Variants in ANKLE2 observed in about 807,000 individuals in gnomAD.
The protein encoded by ANKLE2 is ankyrin repeat and LEM domain containing 2.
Under a neutral mutation model 84.2 loss-of-function variants are expected in ANKLE2, and 55 were observed. The ratio of observed to expected loss-of-function variants is 0.65; its 90% CI spans 0.53 to 0.82. ANKLE2 has a LOEUF of 0.82. Ranked by LOEUF, ANKLE2 falls within the 40% of genes least tolerant of loss-of-function variation. The pLI is 0.00. For synonymous variants in ANKLE2, 551 were observed against 486.1 expected (o/e 1.13, Z -1.76); for missense variants, 1,238 against 1,201.9 (o/e 1.03, Z -0.44).
Position 132,759,205 on chromosome 12 carries a change from T to TGC in ANKLE2, c.181+2411_181+2412dup, listed in dbSNP as rs1566042109. 2.4e-3 allele frequency: 29 copies of TGC among 12,150 alleles called. 3 individuals are homozygous for TGC. Among genetic ancestry groups the TGC allele is most frequent in the East Asian group, 9.0e-3 (3 of 334 alleles). 0.8% of individuals were successfully genotyped at this position (12,150 alleles called of 1,614,324 possible). The stretch of plus-strand genomic sequence containing the variant: ...GGCACCCACGTGGCAGAGTGGATCA[T>TGC]GCAGAGTGGCACCCCGGGGCACCCA... On this transcript the variant is annotated intron_variant, in intron 1 of 12. Coordinates refer to ENST00000357997, the MANE Select transcript of ANKLE2 (RefSeq NM_015114.3).
intron 1 of ANKLE2, chr12:132,758,669 A>G (rs547004202): frequency 2.0e-5 from 3 of 152,194 alleles, no homozygotes; most frequent in Admixed American, 1.3e-4. Context: ...GATTACAGGT[A>G]CCTGCCACCA....
In ANKLE2 at chr12:132,728,073, C is replaced by T; in HGVS notation, c.2574G>A (p.Trp858Ter). The T allele has an allele frequency of 6.2e-7, 1 of 1,612,850 alleles. No individual in the cohort carries two copies. Among genetic ancestry groups the T allele is most frequent in the Non-Finnish European group, 8.5e-7 (1 of 1,179,928 alleles). The change falls in exon 12 of 13, where the codon TGG becomes TGA. Residue 858 changes from tryptophan to a stop codon, truncating the protein, a stop_gained. Transcript: ENST00000357997. LOFTEE classifies it low-confidence loss of function (END_TRUNC). ...GTGAGTAGCACAGGACAGCACTCTT[C>T]CATCTGTGCACGGCCGGGAACTGAT... is the stretch of plus-strand genomic sequence containing the variant. ...DPHQFPAVHR[W>*]KSAVLCYSPS...
In ANKLE2 at chr12:132,727,265, G is replaced by A; in HGVS notation, c.2794C>T (p.Leu932=). The A allele has an allele frequency of 6.4e-7, 1 of 1,561,680 alleles. No individual in the cohort carries two copies. The highest frequency in any genetic ancestry group is 8.7e-7 in the Non-Finnish European group (1 of 1,152,692). Reference sequence around the variant, plus strand: ...GCCTACAGGGCGGCAAGCTCAGCCAGGCGCGCCATCCTGCGGAGCTGGCTC... The same window carrying A: ...GCCTACAGGGCGGCAAGCTCAGCCAAGCGCGCCATCCTGCGGAGCTGGCTC... ...HGSQLRRMAR[L]AELAAL is the part of the protein sequence containing the mutation. The change falls in exon 13 of 13, where the codon CTG becomes TTG. Residue 932 remains leucine (L), a synonymous_variant. Coordinates refer to ENST00000357997, the MANE Select transcript of ANKLE2 (RefSeq NM_015114.3).
Position 132,729,921 on chromosome 12 carries a change from G to T in ANKLE2, c.2241C>A (p.Ser747Arg). The T allele has an allele frequency of 6.2e-7, 1 of 1,613,598 alleles. No homozygotes were observed. Among genetic ancestry groups the T allele is most frequent in the Non-Finnish European group, 8.5e-7 (1 of 1,179,910 alleles). Residue 747 changes from serine (S) to arginine (R), a missense_variant, in exon 11 of 13, where the codon AGC becomes AGA. This residue lies in a region of ANKLE2 where 802 missense variants were observed against 774.5 expected (regional missense o/e 1.04). Transcript: ENST00000357997. ...TACTTTCATCTGGTGTCTTGGAAAC[G>T]CTACGTCCTATATTTTGCAAATTCA... ...DKLNLQNIGR[S>R]VSKTPDESTK...
chr12:132,750,358 A>G (rs1177283421), intron 3 of ANKLE2, among the ~76,000 whole-genome samples: 5 of 151,950 alleles, frequency 3.3e-5, no homozygotes, highest in Admixed American at 2.6e-4. Context: ...ACTGCACTCC[A>G]GGCTGGCAAA....
chr12:132,732,700 GAT>G (rs2043900609), intron 10 of ANKLE2, among the ~76,000 whole-genome samples: 2 of 114,268 alleles, frequency 1.8e-5, no homozygotes, highest in Admixed American at 8.8e-5. Context: ...CCTGGTGTCT[GAT>G]ATGCACCGTG....
chr12:132,743,644 T>A lies in ANKLE2; in HGVS notation c.1231-368A>T, dbSNP rs1462380756. Among the ~76,000 whole-genome samples the A allele has an allele frequency of 7.5e-6, 1 of 132,670 alleles. No homozygotes were observed. Among genetic ancestry groups the A allele is most frequent in the African/African-American group, 2.8e-5 (1 of 35,716 alleles). 87.0% of individuals were successfully genotyped at this position (132,670 alleles called of 152,430 possible). A position where few individuals can be genotyped will look rare whatever the true frequency, so the allele number is the denominator to read the frequency against. ...GATTACAGGTGTGAGTCACCGAGCC[T>A]GGCTTATACTTTTTTAAAAAAAAAA... On this transcript the variant is annotated intron_variant, in intron 5 of 12. Coordinates refer to ENST00000357997, the MANE Select transcript of ANKLE2 (RefSeq NM_015114.3). This position sits in a 1 kb window ranked among gnomAD's most constrained non-coding sequence, Gnocchi z 4.1.
intron 10 of ANKLE2, 180 bp from the exon 11 acceptor site, chr12:132,730,450 ACCT>A (rs764670253): frequency 2.3e-4 from 128 of 552,030 alleles, no homozygotes; most frequent in Non-Finnish European, 3.6e-4. Context: ...TGCATCCAAA[ACCT>A]CCTCATCAGA....
intron 10 of ANKLE2, 58 bp from the exon 11 acceptor site, chr12:132,730,328 C>T: frequency 7.1e-7 from 1 of 1,403,876 alleles, no homozygotes; most frequent in South Asian, 1.4e-5. Flanking sequence ...CACGGAGCTG[C>T]TCCGCCCCAT....
At chr12:132,741,819 G>A (rs1177207146) in intron 6 of ANKLE2, 1 of 484,774 alleles carries the variant, frequency 2.1e-6, no homozygotes, top group African/African-American at 1.9e-5. Context: ...CTTCTTGGTT[G>A]GTTGAGTTCC....
rs774535092 is a variant in ANKLE2 at position 132,735,450 on chromosome 12, G to A, written c.1656C>T (p.His552=). 33 of 1,613,958 alleles carry A rather than the reference G, an allele frequency of 2.0e-5. 1 individual carries two copies. The highest frequency in any genetic ancestry group is 3.3e-5 in the South Asian group (3 of 91,084). ...CTCTTTCCGGGTCCGACTTCTTGACGTGGTGAAGGAAGCCTGCTTTCTCTC... is the reference window on the plus strand; with the variant it reads ...CTCTTTCCGGGTCCGACTTCTTGACATGGTGAAGGAAGCCTGCTTTCTCTC... The part of the protein sequence containing the change: ...PPREKAGFLH[H]VKKSDPERGF... Residue 552 remains histidine, a synonymous_variant, in exon 9 of 13, where the codon CAC becomes CAT. Coordinates refer to ENST00000357997, the MANE Select transcript of ANKLE2 (RefSeq NM_015114.3).
In ANKLE2 at chr12:132,736,881, ACAG is replaced by A. The variant is rs2044019939; in HGVS notation, c.1593+9_1593+11del. Reference sequence around the variant, plus strand: ...CCAGGCACCACTTCCAGAAGCTTCTACAGCAGCTCACCTTGGCTGGACTCAGGG... The same window carrying A: ...CCAGGCACCACTTCCAGAAGCTTCTACAGCTCACCTTGGCTGGACTCAGGG... On this transcript the variant is annotated intron_variant, in intron 8 of 12. Transcript: ENST00000357997. 5.6e-6 allele frequency: 9 copies of A among 1,593,922 alleles called. No individual in the cohort carries two copies. Among genetic ancestry groups the A allele is most frequent in the Non-Finnish European group, 7.7e-6 (9 of 1,166,622 alleles).
rs1593161663 is a variant in ANKLE2 at position 132,743,101 on chromosome 12, A to T, written c.1353+53T>A. 2 of 1,512,206 alleles carry T rather than the reference A, an allele frequency of 1.3e-6. No individual in the cohort carries two copies. Among genetic ancestry groups the T allele is most frequent in the Non-Finnish European group, 1.8e-6 (2 of 1,120,166 alleles). 93.7% of individuals were successfully genotyped at this position (1,512,206 alleles called of 1,614,324 possible). ...GCCTGTGATCACAGACTGTAAATTT[A>T]TATATTTCCATTTCTAACTCTAGAT... is the stretch of plus-strand genomic sequence containing the variant. On this transcript the variant is annotated intron_variant, in intron 6 of 12. Coordinates refer to ENST00000357997, the MANE Select transcript of ANKLE2 (RefSeq NM_015114.3). This position sits in a 1 kb window ranked among gnomAD's most constrained non-coding sequence, Gnocchi z 4.1.
At chr12:132,754,114 C>T (rs963431413) in intron 2 of ANKLE2, among the ~76,000 whole-genome samples, 73 of 151,568 alleles carry the variant, frequency 4.8e-4, no homozygotes, top group African/African-American at 1.5e-3. Flanking sequence ...CGGTGGCAGG[C>T]GCCTGTAATC....
At position 132,730,194 on chromosome 12, in the gene ANKLE2, A is replaced by G. The variant is rs11545751; in HGVS notation, c.1968T>C (p.Asn656=). ...TGGGCGGGCTGTTATTTCGAGCTGC[A>G]TTTTGCCGATTTTTTATTTCTTCCA... ...MSLEEIKNRQ[N]AARNNSPPTV... Residue 656 remains asparagine (N), a synonymous_variant, in exon 11 of 13, where the codon AAT becomes AAC. Transcript: ENST00000357997. 10,723 of 1,600,184 alleles carry G rather than the reference A, an allele frequency of 6.7e-3. 537 individuals carry two copies. The African/African-American group carries it at 0.11, about 17-fold the overall frequency.
At chr12:132,751,045 A>G in intron 2 of ANKLE2, 196 bp from the exon 3 acceptor site, 1 of 585,510 alleles carries the variant, frequency 1.7e-6, no homozygotes, top group Non-Finnish European at 3.0e-6. Flanking sequence ...GTGTGCATAT[A>G]TGCATGTAAC....
Position 132,761,697 on chromosome 12 carries a change from C to T in ANKLE2, c.102G>A (p.Arg34=). Reference sequence around the variant, plus strand: ...CCAGACCTCCCGGCCGCGGGCCCAGCCGCCGCACCAGCCACCGCACAGCGA... The same window carrying T: ...CCAGACCTCCCGGCCGCGGGCCCAGTCGCCGCACCAGCCACCGCACAGCGA... ...LLIAVRWLVR[R]LGPRPGGLGR... Residue 34 remains arginine, a synonymous_variant, in exon 1 of 13, where the codon CGG becomes CGA. Transcript: ENST00000357997. The T allele has an allele frequency of 1.5e-6, 2 of 1,349,388 alleles. No homozygotes were observed. The highest frequency in any genetic ancestry group is 2.7e-5 in the Admixed American group (1 of 37,184). The allele number at this position is 1,349,388 out of a possible 1,614,324, so 83.6% of individuals were successfully genotyped here. A position where few individuals can be genotyped will look rare whatever the true frequency, so the allele number is the denominator to read the frequency against.
chr12:132,748,444 TG>T, intron 3 of ANKLE2, 113 bp from the exon 4 acceptor site: 1 of 1,210,778 alleles, frequency 8.3e-7, no homozygotes, highest in South Asian at 1.4e-5. Flanking sequence ...CTGGGCCAAC[TG>T]GGAGGCACAG....
Position 132,748,114 on chromosome 12 carries a change from CCCGAGGGAACCG to C in ANKLE2, c.1041+12_1041+23del, listed in dbSNP as rs2044278173. 6.2e-7 allele frequency: 1 copy of C among 1,609,252 alleles called. No homozygotes were observed. The highest frequency in any genetic ancestry group is 1.3e-5 in the African/African-American group (1 of 74,808). On this transcript the variant is annotated intron_variant, in intron 4 of 12. Coordinates refer to ENST00000357997, the MANE Select transcript of ANKLE2 (RefSeq NM_015114.3). ...TGGAACGGCCGGGACCGCACACCTG[CCCGAGGGAACCG>C]CCGAGACCTACCTGCACGATAGTGG...
Sources: gnomAD v4.1 joint callset for allele counts (sites outside exome capture counted in the v4.1 genomes callset) on GRCh38, gnomAD v4.1.1 for gene constraint, gnomAD v4.1.1 regional missense constraint, Gnocchi (gnomAD v3.1) non-coding constraint, MANE v1.5 for transcripts, NCBI Gene and HGNC (gene_info 2026-07-23, HGNC 2026-07-21) for gene names.